PXDNL: variants seen among roughly 807,000 people sequenced by gnomAD.
PXDNL encodes the protein probable oxidoreductase PXDNL.
Under a neutral mutation model 150.8 loss-of-function variants are expected in PXDNL, and 145 were observed. That is an observed-to-expected ratio of 0.96 (90% CI 0.84 to 1.10). The LOEUF is 1.10. PXDNL is among the 50% of genes least tolerant of loss of function. The pLI is 0.00. For missense variants in PXDNL, 2,087 were observed against 1,873.9 expected (o/e 1.11, Z -2.10); for synonymous variants, 757 against 725.7 (o/e 1.04, Z -0.69).
At chr8:51,759,770 T>C (rs1463920958) in intron 1 of PXDNL, among the ~76,000 whole-genome samples, 1 of 152,270 alleles carries the variant, frequency 6.6e-6, no homozygotes, top group East Asian at 1.9e-4. Context: ...TCCAGTTTCC[T>C]AGACAGATGT....
intron 14 of PXDNL, among the ~76,000 whole-genome samples, chr8:51,421,604 C>A (rs557139970): frequency 6.6e-6 from 1 of 152,224 alleles, no homozygotes; most frequent in African/African-American, 2.4e-5. Context: ...GAGGCTGGGG[C>A]AGGAGAATTG....
chr8:51,545,253 A>C (rs1378037861), intron 4 of PXDNL, among the ~76,000 whole-genome samples: 1 of 152,250 alleles, frequency 6.6e-6, no homozygotes, highest in African/African-American at 2.4e-5. Flanking sequence ...TTTATAAGCC[A>C]TCTGTAAATA....
At chr8:51,359,482 T>A (rs2130745623) in intron 19 of PXDNL, among the ~76,000 whole-genome samples, 1 of 151,798 alleles carries the variant, frequency 6.6e-6, no homozygotes, top group South Asian at 2.1e-4. Flanking sequence ...AGCAAAAATA[T>A]AAAAGAGAGT....
rs781318486 is a variant in PXDNL, at chr8:51,320,806, T to C, written c.4238A>G (p.Asp1413Gly). The C allele has an allele frequency of 1.2e-6, 2 of 1,613,804 alleles. No homozygotes were observed. The highest frequency in any genetic ancestry group is 2.2e-5 in the East Asian group (1 of 44,884). ...AACCTCACAAATGCAGTGAGTGCAG[T>C]CTTCTTTCATCCAGCGCTCCTCGGC... ...RKAEERWMKE[D>G]CTHCICESGQ... Residue 1413 changes from aspartate (D) to glycine (G), a missense_variant, in exon 22 of 23, where the codon GAC becomes GGC. Physicochemically the swap from Asp to Gly is moderately conservative, Grantham distance 94 (BLOSUM62 -1). Coordinates refer to ENST00000356297, the MANE Select transcript of PXDNL (RefSeq NM_144651.5).
chr8:51,650,803 T>C (rs995266162), intron 2 of PXDNL, among the ~76,000 whole-genome samples: 3 of 152,216 alleles, frequency 2.0e-5, no homozygotes, highest in Admixed American at 2.0e-4. Flanking sequence ...AAAGACAAAA[T>C]GACCTAACTC....
intron 1 of PXDNL, among the ~76,000 whole-genome samples, chr8:51,723,173 G>T (rs573388281): frequency 1.7e-4 from 25 of 151,058 alleles, no homozygotes; most frequent in African/African-American, 5.6e-4. Flanking sequence ...AATCTATAAA[G>T]GACAATTAGT....
At chr8:51,383,586 C>A (rs1563384978) in intron 17 of PXDNL, among the ~76,000 whole-genome samples, 4 of 152,170 alleles carry the variant, frequency 2.6e-5, no homozygotes, top group Non-Finnish European at 5.9e-5. Context: ...CATAAAATCT[C>A]CTGGCTTTGT....
intron 1 of PXDNL, among the ~76,000 whole-genome samples, chr8:51,664,485 G>C (rs924644762): frequency 2.6e-5 from 4 of 152,056 alleles, no homozygotes; most frequent in African/African-American, 9.7e-5. Flanking sequence ...CGTGTGCCTG[G>C]GAAGACAGAC....
At chr8:51,756,836 C>T (rs986152011) in intron 1 of PXDNL, among the ~76,000 whole-genome samples, 3 of 151,856 alleles carry the variant, frequency 2.0e-5, no homozygotes, top group Non-Finnish European at 4.4e-5. Flanking sequence ...ATTCTAGCTT[C>T]AAATTCCAAA....
At chr8:51,508,516 A>C (rs1054460263) in intron 4 of PXDNL, among the ~76,000 whole-genome samples, 5 of 152,136 alleles carry the variant, frequency 3.3e-5, no homozygotes, top group Non-Finnish European at 7.4e-5. Flanking sequence ...CCATCCTCCC[A>C]GATCTTCTCC....
rs149191364 is a variant in PXDNL at position 51,724,977 on chromosome 8, A to AT, written c.165-70218dup. Among the ~76,000 whole-genome samples the AT allele has an allele frequency of 2.0e-3, 304 of 151,386 alleles. 9 individuals carry two copies. The East Asian group carries it at 0.055, about 27-fold the overall frequency. On this transcript the variant is annotated intron_variant, in intron 1 of 22. Transcript: ENST00000356297. ...TCCACCTATTGTCCTTGGACACTTAATTTTTTTTTCTTTTCTTTTTCTTTT... is the reference window on the plus strand; with the variant it reads ...TCCACCTATTGTCCTTGGACACTTAATTTTTTTTTTCTTTTCTTTTTCTTTT...
chr8:51,337,891 T>C (rs1414781238), intron 21 of PXDNL, among the ~76,000 whole-genome samples: 1 of 112,430 alleles, frequency 8.9e-6, no homozygotes. Flanking sequence ...AAAAAGCACA[T>C]TGGATGGCCA....
chr8:51,773,709 A>T (rs2037323708), intron 1 of PXDNL, among the ~76,000 whole-genome samples: 1 of 152,230 alleles, frequency 6.6e-6, no homozygotes, highest in African/African-American at 2.4e-5. Flanking sequence ...TTTTATTCAC[A>T]TTTATTAAGT....
intron 19 of PXDNL, among the ~76,000 whole-genome samples, chr8:51,352,975 T>G (rs1489431481): frequency 2.6e-5 from 4 of 151,982 alleles, no homozygotes; most frequent in Admixed American, 6.6e-5. Context: ...GGAGAGTGAG[T>G]ATTGAAGATT....
intron 8 of PXDNL, 30 bp from the exon 9 acceptor site, chr8:51,457,697 T>C (rs1269050076): frequency 6.4e-7 from 1 of 1,554,778 alleles, no homozygotes; most frequent in Non-Finnish European, 8.8e-7. Flanking sequence ...ATGTATATTA[T>C]TTAATCCCAT....
At chr8:51,805,448 A>G (rs2037666144) in intron 1 of PXDNL, among the ~76,000 whole-genome samples, 2 of 148,192 alleles carry the variant, frequency 1.3e-5, no homozygotes. Context: ...GTATATATAC[A>G]AAATGATATA....
At chr8:51,377,256 A>G (rs1406474120) in intron 17 of PXDNL, among the ~76,000 whole-genome samples, 1 of 78,134 alleles carries the variant, frequency 1.3e-5, no homozygotes, top group Non-Finnish European at 3.3e-5. Context: ...TTTTCCTTCT[A>G]GGGGATTTTT....
chr8:51,701,973 T>A (rs192477696), intron 1 of PXDNL, among the ~76,000 whole-genome samples: 192 of 152,328 alleles, frequency 1.3e-3, no homozygotes, highest in Non-Finnish European at 2.1e-3. Flanking sequence ...TTAATCAACT[T>A]ATTTTTTGTT....
chr8:51,728,370 C>A (rs1816857685), intron 1 of PXDNL, among the ~76,000 whole-genome samples: 1 of 151,930 alleles, frequency 6.6e-6, no homozygotes, highest in Non-Finnish European at 1.5e-5. Context: ...TCAGAGTAAA[C>A]TGTAAATTAG....
Sources: allele counts gnomAD v4.1 joint callset (sites outside exome capture counted in the v4.1 genomes callset), GRCh38; gene constraint gnomAD v4.1.1; transcripts MANE v1.5; gene names NCBI Gene and HGNC (gene_info 2026-07-23, HGNC 2026-07-21).